Variants in WIPI2 observed in about 807,000 individuals in gnomAD.
WIPI2 encodes WD repeat domain phosphoinositide-interacting protein 2.
A neutral mutation model predicts 52.3 loss-of-function variants in WIPI2; 28 were observed. The ratio of observed to expected loss-of-function variants is 0.54; its 90% confidence interval spans 0.40 to 0.73. The LOEUF (loss-of-function observed/expected upper bound fraction) is 0.73, where lower values mean the gene tolerates loss of function less well. Ranked by LOEUF, WIPI2 falls within the 30% of genes least tolerant of loss-of-function variation. WIPI2 has a pLI of 0.00. For synonymous variants in WIPI2, 268 were observed against 245.0 expected (o/e 1.09, Z -0.88); for missense variants, 506 against 602.9 (o/e 0.84, Z 1.68).
Position 5,221,298 on chromosome 7 carries a change from G to A in WIPI2, c.670-1304G>A, listed in dbSNP as rs142366198. Among the ~76,000 whole-genome samples the A allele has an allele frequency of 3.5e-3, 537 of 152,134 alleles. 27 individuals are homozygous for A. The East Asian group carries it at 0.097, about 27-fold the overall frequency. ...ATTCTTTTGTATTTTAGTAGAGATG[G>A]GGGTTTCACCATGTTGCCCAGGGTG... On this transcript the variant is annotated intron_variant, in intron 7 of 12. Transcript: ENST00000288828.
chr7:5,208,833 C>T (rs1204912484), intron 3 of WIPI2, among the ~76,000 whole-genome samples: 1 of 152,000 alleles, frequency 6.6e-6, no homozygotes, highest in Admixed American at 6.6e-5. Context: ...CTTTTCCTTT[C>T]CATATAAAAT....
intron 7 of WIPI2, among the ~76,000 whole-genome samples, chr7:5,221,959 T>A (rs1358123390): frequency 9.8e-6 from 1 of 102,214 alleles, no homozygotes; most frequent in Non-Finnish European, 2.0e-5. Context: ...TTATTTTTTT[T>A]TTTTTTCCCC....
chr7:5,220,251 T>G (rs1404284305), intron 7 of WIPI2, among the ~76,000 whole-genome samples: 1 of 151,798 alleles, frequency 6.6e-6, no homozygotes, highest in Non-Finnish European at 1.5e-5. Context: ...TGCTTTTTTT[T>G]TTTTTTTGAA....
Position 5,227,397 on chromosome 7 carries a change from GC to G in WIPI2, c.1013+56del. On this transcript the variant is annotated intron_variant, in intron 10 of 12. Transcript: ENST00000288828. The surrounding 1 kb of genome is among the most constrained non-coding windows in gnomAD (Gnocchi z 8.1). Reference sequence around the variant, plus strand: ...CACCCCGTGTGCCTCAGGCCGAGGGGCCCAGTCCTGGCGGCTTGTGGCCCCT... The same window carrying G: ...CACCCCGTGTGCCTCAGGCCGAGGGGCCAGTCCTGGCGGCTTGTGGCCCCT... The G allele has an allele frequency of 6.3e-7, 1 of 1,591,184 alleles. No individual in the cohort carries two copies.
At chr7:5,225,770 C>A in intron 8 of WIPI2, 53 bp from the exon 9 acceptor site, 9 of 1,372,094 alleles carry the variant, frequency 6.6e-6, no homozygotes, top group Non-Finnish European at 8.2e-6. Flanking sequence ...GAGTTGAACC[C>A]CTGGGGCAGC....
intron 3 of WIPI2, among the ~76,000 whole-genome samples, chr7:5,213,585 C>T (rs1207899754): frequency 6.6e-6 from 1 of 152,236 alleles, no homozygotes; most frequent in Non-Finnish European, 1.5e-5. Flanking sequence ...CAGGCCACAG[C>T]ATACAGCCTA....
At chr7:5,208,507 T>G (rs1782400682) in intron 3 of WIPI2, among the ~76,000 whole-genome samples, 1 of 152,130 alleles carries the variant, frequency 6.6e-6, no homozygotes, top group Non-Finnish European at 1.5e-5. Flanking sequence ...GGAAGGTGTT[T>G]TCCTATGTGT....
chr7:5,222,575 T>C (rs1198158518), intron 7 of WIPI2, 27 bp from the exon 8 acceptor site: 1 of 1,607,976 alleles, frequency 6.2e-7, no homozygotes, highest in East Asian at 2.2e-5. Context: ...TCAGCTCAAA[T>C]TCTTCTTTTC....
intron 1 of WIPI2, among the ~76,000 whole-genome samples, chr7:5,191,670 A>G (rs1245895104): frequency 1.3e-5 from 2 of 152,136 alleles, no homozygotes; most frequent in African/African-American, 4.8e-5. Context: ...AGTGAGTAAG[A>G]GGAAGTGAGG....
rs1004976394 is a variant in WIPI2, at chr7:5,190,275, C to T, written c.-145C>T. On this transcript the variant is annotated 5_prime_UTR_variant, in exon 1 of 13. In the 5' UTR this introduces an upstream ATG that the reference lacks. Coordinates refer to ENST00000288828, the MANE Select transcript of WIPI2 (RefSeq NM_015610.4). ...TCTGGAGCATAAACAAGAGCGGGGA[C>T]GGGATGAGGCGGCGGTTGATCCCAG... 7.6e-6 allele frequency: 3 copies of T among 394,978 alleles called. No homozygotes were observed. The highest frequency in any genetic ancestry group is 1.2e-5 in the Non-Finnish European group (3 of 246,508). 24.5% of individuals were successfully genotyped at this position (394,978 alleles called of 1,614,324 possible).
chr7:5,220,421 T>G (rs1459630755), intron 7 of WIPI2, among the ~76,000 whole-genome samples: 3 of 151,908 alleles, frequency 2.0e-5, no homozygotes, highest in Admixed American at 6.6e-5. Flanking sequence ...TTTTGTATTT[T>G]GAGTAGATGG....
chr7:5,229,842 A>G, intron 12 of WIPI2, 104 bp downstream of exon 12: 1 of 1,501,956 alleles, frequency 6.7e-7, no homozygotes, highest in Non-Finnish European at 9.0e-7. Context: ...TCACTGGGAA[A>G]GATGGGGACT....
chr7:5,211,952 A>T (rs1782583785), intron 3 of WIPI2, among the ~76,000 whole-genome samples: 1 of 152,198 alleles, frequency 6.6e-6, no homozygotes, highest in Non-Finnish European at 1.5e-5. Flanking sequence ...GCTGAGCTTC[A>T]CCAAGAGCAC....
At chr7:5,199,880 G>T (rs1781940684) in intron 3 of WIPI2, among the ~76,000 whole-genome samples, 3 of 152,098 alleles carry the variant, frequency 2.0e-5, no homozygotes, top group Admixed American at 1.3e-4. Context: ...GGTACCGAGG[G>T]AGCTCTGTTC....
Position 5,232,628 on chromosome 7 carries a change from A to G in WIPI2, c.*1681A>G, listed in dbSNP as rs1005365107. 1 of 273,940 alleles carries G rather than the reference A, an allele frequency of 3.7e-6. No individual in the cohort carries two copies. Among genetic ancestry groups the G allele is most frequent in the Non-Finnish European group, 6.8e-6 (1 of 147,272 alleles). 17.0% of individuals were successfully genotyped at this position (273,940 alleles called of 1,614,324 possible). ...CAGGGATGAGAAGGGCCGCGGCAGC[A>G]CGCAGCCTTGACCCACGCCTGCGTC... On this transcript the variant is annotated 3_prime_UTR_variant, in exon 13 of 13. Coordinates refer to ENST00000288828, the MANE Select transcript of WIPI2 (RefSeq NM_015610.4).
chr7:5,216,468 G>T (rs1782818213), intron 4 of WIPI2, 95 bp from the exon 5 acceptor site: 2 of 935,600 alleles, frequency 2.1e-6, no homozygotes, highest in African/African-American at 3.3e-5. Flanking sequence ...GAAGGAATGA[G>T]AGCGTCATAG....
chr7:5,225,330 G>A (rs975762837), intron 8 of WIPI2, among the ~76,000 whole-genome samples: 3 of 151,828 alleles, frequency 2.0e-5, no homozygotes, highest in South Asian at 2.1e-4. Flanking sequence ...TAGTAGAGAC[G>A]GGGGGTTTCA....
At chr7:5,220,261 A>T (rs9639939) in intron 7 of WIPI2, among the ~76,000 whole-genome samples, 43,909 of 145,622 alleles carry the variant, frequency 0.3, 7,248 homozygotes, top group Admixed American at 0.47. Flanking sequence ...TTTTTTTTGA[A>T]ACGGAGTCTT....
chr7:5,208,658 A>G (rs556394904), intron 3 of WIPI2, among the ~76,000 whole-genome samples: 3 of 152,256 alleles, frequency 2.0e-5, no homozygotes, highest in Admixed American at 2.0e-4. Context: ...TTCCTATTCC[A>G]TCATCATTTG....
Sources: gnomAD v4.1 joint callset for allele counts (sites outside exome capture counted in the v4.1 genomes callset) on GRCh38, gnomAD v4.1.1 for gene constraint, Gnocchi (gnomAD v3.1) non-coding constraint, MANE v1.5 for transcripts, NCBI Gene and HGNC (gene_info 2026-07-23, HGNC 2026-07-21) for gene names.